The following TOP3A variants were observed in gnomAD, a reference collection of about 807,000 sequenced individuals.
The protein encoded by TOP3A is DNA topoisomerase III alpha.
TOP3A carries 64 observed loss-of-function variants against 111.3 expected under a neutral mutation model. The observed-to-expected ratio is 0.57, with a 90% CI of 0.47 to 0.71. TOP3A has a LOEUF of 0.71. Among genes scored for constraint, TOP3A ranks in the 30% least tolerant of loss-of-function variants. TOP3A has a pLI of 0.00. For synonymous variants in TOP3A, 484 were observed against 485.1 expected (o/e 1.00, Z 0.03); for missense variants, 1,104 against 1,285.0 (o/e 0.86, Z 2.15).
chr17:18,276,821 G>A (rs1029230176), intron 18 of TOP3A, among the ~76,000 whole-genome samples: 2 of 152,122 alleles, frequency 1.3e-5, no homozygotes, highest in Non-Finnish European at 2.9e-5. Context: ...CCCAGTTCCC[G>A]GACATTGGCC....
In TOP3A at chr17:18,274,944, C is replaced by T; in HGVS notation, c.2864G>A (p.Gly955Glu). The T allele has an allele frequency of 6.2e-7, 1 of 1,614,108 alleles. No homozygotes were observed. Residue 955 changes from glycine (G) to glutamate (E), a missense_variant, in exon 19 of 19, where the codon GGA becomes GAA. Coordinates refer to ENST00000321105, the MANE Select transcript of TOP3A (RefSeq NM_004618.5). ...SGAPSWTGDR[G>E]RTLESEARSK... ...TCTGGCTTCCGACTCCAGGGTTCTT[C>T]CTCTGTCTCCTGTCCAGGACGGGGC...
intron 16 of TOP3A, among the ~76,000 whole-genome samples, chr17:18,281,439 GAAT>G (rs1342800851): frequency 6.6e-6 from 1 of 152,044 alleles, no homozygotes; most frequent in Non-Finnish European, 1.5e-5. Context: ...AATAACTAAA[GAAT>G]AATAATAATT....
intron 16 of TOP3A, among the ~76,000 whole-genome samples, chr17:18,282,207 G>A (rs1979804291): frequency 6.6e-6 from 1 of 152,224 alleles, no homozygotes; most frequent in African/African-American, 2.4e-5. Context: ...TATCTGCTGA[G>A]TATCTACAAC....
chr17:18,281,480 G>C (rs1979754667), intron 16 of TOP3A, among the ~76,000 whole-genome samples: 1 of 151,894 alleles, frequency 6.6e-6, no homozygotes, highest in Non-Finnish European at 1.5e-5. Flanking sequence ...GGAGAATTCA[G>C]AGCTAAAACA....
intron 13 of TOP3A, among the ~76,000 whole-genome samples, chr17:18,289,764 T>C (rs964082496): frequency 1.7e-4 from 26 of 152,316 alleles, no homozygotes; most frequent in African/African-American, 6.0e-4. Context: ...GCAGGGTTTC[T>C]GGATGTCCTA....
At chr17:18,291,100 C>T (rs759540359) in intron 11 of TOP3A, 73 bp from the exon 12 acceptor site, 4 of 1,498,682 alleles carry the variant, frequency 2.7e-6, no homozygotes, top group Non-Finnish European at 3.6e-6. Context: ...CACTGGTAGC[C>T]TTAGCCTAAT....
chr17:18,283,539 G>A (rs191783017), intron 15 of TOP3A, among the ~76,000 whole-genome samples: 1 of 152,186 alleles, frequency 6.6e-6, no homozygotes, highest in East Asian at 1.9e-4. Context: ...ACACACATCA[G>A]ACACCAGATG....
intron 4 of TOP3A, among the ~76,000 whole-genome samples, chr17:18,305,667 T>C (rs1297102652): frequency 6.6e-6 from 1 of 151,500 alleles, no homozygotes; most frequent in African/African-American, 2.4e-5. Flanking sequence ...TGAAACCCTG[T>C]CTCTACTAAA....
intron 4 of TOP3A, among the ~76,000 whole-genome samples, chr17:18,306,332 G>A (rs1280624836): frequency 6.6e-6 from 1 of 152,172 alleles, no homozygotes; most frequent in Non-Finnish European, 1.5e-5. Flanking sequence ...AACAAGGGGT[G>A]AGATGGGGGC....
chr17:18,309,409 G>T (rs1432109073), intron 1 of TOP3A, among the ~76,000 whole-genome samples: 1 of 152,116 alleles, frequency 6.6e-6, no homozygotes, highest in African/African-American at 2.4e-5. Context: ...TTGGGAGGCT[G>T]AGACAGTTGG....
chr17:18,294,969 G>A lies in TOP3A; in HGVS notation c.991-184C>T, dbSNP rs369004882. 3.9e-5 allele frequency among the ~76,000 whole-genome samples: 6 copies of A among 152,306 alleles called. No homozygotes were observed. In the East Asian group the frequency reaches 9.6e-4, roughly 24 times the overall value. ...CCAAGCAGAGTCAGATCCTAGCCTA[G>A]TGGTTCTCAGACTTTAATGTGTGCA... On this transcript the variant is annotated intron_variant, in intron 9 of 18. Transcript: ENST00000321105.
In TOP3A at chr17:18,274,727, T is replaced by C. The variant is rs140927890; in HGVS notation, c.*75A>G. Reference sequence around the variant, plus strand: ...GTTTCCAGGACACTAAATGGCCACTTGGTCCTGGTTAACTCATTTCTAAAC... The same window carrying C: ...GTTTCCAGGACACTAAATGGCCACTCGGTCCTGGTTAACTCATTTCTAAAC... On this transcript the variant is annotated 3_prime_UTR_variant, in exon 19 of 19. Coordinates refer to ENST00000321105, the MANE Select transcript of TOP3A (RefSeq NM_004618.5). The C allele has an allele frequency of 2.6e-4, 405 of 1,539,156 alleles. 1 individual carries two copies. In the African/African-American group the frequency reaches 5.2e-3, roughly 20 times the overall value.
Position 18,294,700 on chromosome 17 carries a change from T to A in TOP3A, c.1073+3A>T. ...ATTCTACTCCCAAACCCAAAATACT[T>A]ACCCTTGAGTGTAGAGCTTCTCAGC... On this transcript the variant is annotated splice_donor_region_variant and intron_variant, in intron 10 of 18. Transcript: ENST00000321105. 1 of 1,608,090 alleles carries A rather than the reference T, an allele frequency of 6.2e-7. No homozygotes were observed. Among genetic ancestry groups the A allele is most frequent in the Non-Finnish European group, 8.5e-7 (1 of 1,174,690 alleles).
chr17:18,305,492 G>GCGCGCGCA (rs1981516483), intron 4 of TOP3A, among the ~76,000 whole-genome samples: 1 of 121,380 alleles, frequency 8.2e-6, no homozygotes, highest in African/African-American at 3.2e-5. Flanking sequence ...ACACACGCGC[G>GCGCGCGCA]CGCGCGCGCG....
intron 3 of TOP3A, 115 bp downstream of exon 3, chr17:18,308,236 A>C (rs1327985664): frequency 2.6e-5 from 2 of 77,752 alleles, no homozygotes; most frequent in African/African-American, 1.8e-4. Context: ...AAAAAAAAAA[A>C]AAAAAAAAAA....
At chr17:18,290,214 T>G (rs1253497820) in intron 13 of TOP3A, among the ~76,000 whole-genome samples, 2 of 152,230 alleles carry the variant, frequency 1.3e-5, no homozygotes, top group Non-Finnish European at 2.9e-5. Flanking sequence ...TGTTGGTTCC[T>G]TACATGCTGT....
At position 18,302,726 on chromosome 17, in the gene TOP3A, G is replaced by A; in HGVS notation, c.500-3C>T. Reference sequence around the variant, plus strand: ...CAACACCTGCAGATTGGGCTTTACTGCAGAACACAAGGTGTTACCAAGGTC... The same window carrying A: ...CAACACCTGCAGATTGGGCTTTACTACAGAACACAAGGTGTTACCAAGGTC... On this transcript the variant is annotated splice_region_variant and splice_polypyrimidine_tract_variant and intron_variant, in intron 5 of 18. Coordinates refer to ENST00000321105, the MANE Select transcript of TOP3A (RefSeq NM_004618.5). 1 of 1,612,686 alleles carries A rather than the reference G, an allele frequency of 6.2e-7. No individual in the cohort carries two copies. Among genetic ancestry groups the A allele is most frequent in the Non-Finnish European group, 8.5e-7 (1 of 1,178,964 alleles).
chr17:18,276,070 C>T (rs764567789), intron 18 of TOP3A, among the ~76,000 whole-genome samples: 1 of 152,172 alleles, frequency 6.6e-6, no homozygotes, highest in Non-Finnish European at 1.5e-5. Flanking sequence ...TTACCTGACA[C>T]CTCTCCCTCA....
At chr17:18,308,327 C>A (rs777206479) in intron 3 of TOP3A, 24 bp downstream of exon 3, 15 of 1,478,902 alleles carry the variant, frequency 1.0e-5, no homozygotes, top group Non-Finnish European at 1.3e-5. Flanking sequence ...ATCTGAAAGT[C>A]CTTCCCTTGA....
Sources: gnomAD v4.1 joint callset for allele counts (sites outside exome capture counted in the v4.1 genomes callset) on GRCh38, gnomAD v4.1.1 for gene constraint, MANE v1.5 for transcripts, NCBI Gene and HGNC (gene_info 2026-07-23, HGNC 2026-07-21) for gene names.